TNFSF14: variants seen among roughly 807,000 people sequenced by gnomAD.
TNFSF14 encodes the protein tumor necrosis factor ligand superfamily member 14.
In TNFSF14, 15 loss-of-function variants were observed where a neutral mutation model predicts 22.7. That is an observed-to-expected ratio of 0.66 (90% CI 0.44 to 1.02). The LOEUF is 1.02. Among genes scored for constraint, TNFSF14 ranks in the 50% least tolerant of loss-of-function variants. TNFSF14 has a pLI of 0.00. For synonymous variants in TNFSF14, 133 were observed against 139.6 expected (o/e 0.95, Z 0.33); for missense variants, 287 against 326.2 (o/e 0.88, Z 0.93).
At chr19:6,665,544 G>T (rs1418238644) in intron 3 of TNFSF14, among the ~76,000 whole-genome samples, 194 bp from the exon 4 acceptor site, 1 of 152,088 alleles carries the variant, frequency 6.6e-6, no homozygotes, top group East Asian at 1.9e-4. Context: ...GAGTAGCTGG[G>T]ACTACAGGTG....
rs61596158 is a variant in TNFSF14, at chr19:6,668,576, G to A, written c.220-1127C>T. Among the ~76,000 whole-genome samples, 28 of 152,182 alleles carry A rather than the reference G, an allele frequency of 1.8e-4. No homozygotes were observed. In the East Asian group the frequency reaches 4.4e-3, roughly 24 times the overall value. On this transcript the variant is annotated intron_variant, in intron 1 of 3. Transcript: ENST00000675206. ...CACAAATTAGCCAGGCACGGTGGCG[G>A]ATGCCTGTGATCCCAGCTACTGCTC...
At position 6,669,735 on chromosome 19, in the gene TNFSF14, C is replaced by T. The variant is rs560940353; in HGVS notation, c.219+116G>A. 4.5e-4 allele frequency: 646 copies of T among 1,433,670 alleles called. 3 individuals carry two copies. In the African/African-American group the frequency reaches 8.6e-3, roughly 19 times the overall value. 88.8% of individuals were successfully genotyped at this position (1,433,670 alleles called of 1,614,324 possible). A position where few individuals can be genotyped will look rare whatever the true frequency, so the allele number is the denominator to read the frequency against. Reference sequence around the variant, plus strand: ...CAGCTGCTCTCAGCCTGTGCCCTGTCCTACACACACACACACACACACACA... The same window carrying T: ...CAGCTGCTCTCAGCCTGTGCCCTGTTCTACACACACACACACACACACACA... On this transcript the variant is annotated intron_variant, in intron 1 of 3. Coordinates refer to ENST00000675206, the MANE Select transcript of TNFSF14 (RefSeq NM_001376887.1).
intron 2 of TNFSF14, 51 bp from the exon 3 acceptor site, chr19:6,667,205 C>A: frequency 6.6e-7 from 1 of 1,512,544 alleles, no homozygotes; most frequent in Non-Finnish European, 8.8e-7. Context: ...AGGTAAAAAG[C>A]CAGCCTCCTA....
rs373524805 is a variant in TNFSF14 at position 6,665,142 on chromosome 19, G to A, written c.507C>T (p.Arg169=). Residue 169 remains arginine, a synonymous_variant, in exon 4 of 4, where the codon CGC becomes CGT. Transcript: ENST00000675206. ...ASTITHGLYK[R]TPRYPEELEL... ...CCAGCTCCTCGGGGTAGCGGGGTGT[G>A]CGCTTGTAGAGGCCGTGGGTGATGG... 2 of 1,614,026 alleles carry A rather than the reference G, an allele frequency of 1.2e-6. No homozygotes were observed. Among genetic ancestry groups the A allele is most frequent in the Non-Finnish European group, 1.7e-6 (2 of 1,179,948 alleles).
rs963602919 is a variant in TNFSF14, at chr19:6,663,930, G to A, written c.*996C>T. On this transcript the variant is annotated 3_prime_UTR_variant, in exon 4 of 4. Coordinates refer to ENST00000675206, the MANE Select transcript of TNFSF14 (RefSeq NM_001376887.1). ...GTGGTGTCCTATTAGGGATGTCTATGCTTGGCAGTGATGAAATCAGCCATG... is the reference window on the plus strand; with the variant it reads ...GTGGTGTCCTATTAGGGATGTCTATACTTGGCAGTGATGAAATCAGCCATG... 6.6e-6 allele frequency: 1 copy of A among 152,226 alleles called. No homozygotes were observed. The highest frequency in any genetic ancestry group is 6.5e-5 in the Admixed American group (1 of 15,282). 9.4% of individuals were successfully genotyped at this position (152,226 alleles called of 1,614,324 possible). A position where few individuals can be genotyped will look rare whatever the true frequency, so the allele number is the denominator to read the frequency against.
At chr19:6,665,625 T>C (rs1395522477) in intron 3 of TNFSF14, among the ~76,000 whole-genome samples, 3 of 151,960 alleles carry the variant, frequency 2.0e-5, no homozygotes, top group Non-Finnish European at 4.4e-5. Context: ...CTGAGGCTGG[T>C]CTTGAACTCC....
At chr19:6,669,808 C>T in intron 1 of TNFSF14, 43 bp downstream of exon 1, 1 of 1,599,632 alleles carries the variant, frequency 6.3e-7, no homozygotes, top group African/African-American at 1.3e-5. Flanking sequence ...ACAGGGGAGC[C>T]CCCCTCACCT....
rs1287133671 is a variant in TNFSF14 at position 6,661,742 on chromosome 19, G to GC, written c.*3183dup. On this transcript the variant is annotated 3_prime_UTR_variant, in exon 4 of 4. Transcript: ENST00000675206. ...TATCACATTGGAATTACAGGCATGAGCCACTGCACCCAGCCGACATCACCA... is the reference window on the plus strand; with the variant it reads ...TATCACATTGGAATTACAGGCATGAGCCCACTGCACCCAGCCGACATCACCA... 43 of 152,182 alleles carry GC rather than the reference G, an allele frequency of 2.8e-4. No individual in the cohort carries two copies. Among genetic ancestry groups the GC allele is most frequent in the African/African-American group, 1.0e-3 (42 of 41,420 alleles). The allele number at this position is 152,182 out of a possible 1,614,324, so 9.4% of individuals were successfully genotyped here. A position where few individuals can be genotyped will look rare whatever the true frequency, so the allele number is the denominator to read the frequency against.
intron 1 of TNFSF14, among the ~76,000 whole-genome samples, chr19:6,669,330 A>T (rs1161811464): frequency 2.0e-5 from 3 of 152,058 alleles, no homozygotes; most frequent in Non-Finnish European, 4.4e-5. Flanking sequence ...CTAAAAATAC[A>T]AAATTGGCCA....
chr19:6,666,463 G>A (rs780158347), intron 3 of TNFSF14, among the ~76,000 whole-genome samples: 17 of 151,152 alleles, frequency 1.1e-4, no homozygotes, highest in Non-Finnish European at 2.2e-4. Flanking sequence ...GCGGCACCTC[G>A]TACTCGCTGT....
intron 1 of TNFSF14, among the ~76,000 whole-genome samples, chr19:6,668,901 A>G (rs546876915): frequency 6.6e-5 from 10 of 152,340 alleles, no homozygotes; most frequent in Non-Finnish European, 1.2e-4. Flanking sequence ...CCCAGAGACA[A>G]AGACAGACAA....
At chr19:6,666,151 G>C (rs1474691696) in intron 3 of TNFSF14, among the ~76,000 whole-genome samples, 4 of 152,050 alleles carry the variant, frequency 2.6e-5, no homozygotes, top group African/African-American at 9.7e-5. Context: ...CCAGCACTTT[G>C]GGAGGCTGAG....
In TNFSF14 at chr19:6,669,838, CG is replaced by C; in HGVS notation, c.219+12del. On this transcript the variant is annotated intron_variant, in intron 1 of 3. Coordinates refer to ENST00000675206, the MANE Select transcript of TNFSF14 (RefSeq NM_001376887.1). ...TCACCTCCACCTGCTCTCAGCCCCC[CG>C]GTCCCACTCACAGGCAGGCGGGTGA... is the stretch of plus-strand genomic sequence containing the variant. 6.2e-7 allele frequency: 1 copy of C among 1,610,184 alleles called. No individual in the cohort carries two copies. The highest frequency in any genetic ancestry group is 8.5e-7 in the Non-Finnish European group (1 of 1,179,794).
chr19:6,669,686 G>A (rs189347051), intron 1 of TNFSF14, among the ~76,000 whole-genome samples, 165 bp downstream of exon 1: 1 of 151,674 alleles, frequency 6.6e-6, no homozygotes, highest in Admixed American at 6.6e-5. Flanking sequence ...CTTGCCCAAG[G>A]CTGGGAGCAG....
rs755776228 is a variant in TNFSF14 at position 6,665,143 on chromosome 19, C to A, written c.506G>T (p.Arg169Leu). ...ASTITHGLYK[R>L]TPRYPEELEL... ...CAGCTCCTCGGGGTAGCGGGGTGTG[C>A]GCTTGTAGAGGCCGTGGGTGATGGT... The change falls in exon 4 of 4, where the codon CGC (arginine) becomes CTC (leucine). Residue 169 changes from arginine to leucine, a missense_variant. Arg to Leu is a moderately radical substitution (Grantham distance 102, BLOSUM62 -2). Transcript: ENST00000675206. 3.1e-6 allele frequency: 5 copies of A among 1,613,860 alleles called. No homozygotes were observed. The highest frequency in any genetic ancestry group is 1.3e-5 in the African/African-American group (1 of 74,930).
intron 2 of TNFSF14, 78 bp from the exon 3 acceptor site, chr19:6,667,232 A>G: frequency 6.8e-7 from 1 of 1,463,958 alleles, no homozygotes; most frequent in Non-Finnish European, 9.1e-7. Context: ...CACCGTGTAC[A>G]CCTCCTGGAA....
At position 6,669,909 on chromosome 19, in the gene TNFSF14, T is replaced by C; in HGVS notation, c.161A>G (p.Gln54Arg). ...LLLMGAGLAV[Q>R]GWFLLQLHWR... is the part of the protein sequence containing the mutation. ...GTGCAGCTGCAGGAGGAACCAGCCT[T>C]GGACGGCCAGCCCGGCCCCCATCAG... The change falls in exon 1 of 4, where the codon CAA (glutamine) becomes CGA (arginine). Residue 54 changes from glutamine (Q) to arginine (R), a missense_variant. Coordinates refer to ENST00000675206, the MANE Select transcript of TNFSF14 (RefSeq NM_001376887.1). The C allele has an allele frequency of 6.2e-7, 1 of 1,613,762 alleles. No homozygotes were observed.
chr19:6,661,818 C>T lies in TNFSF14; in HGVS notation c.*3108G>A, dbSNP rs928907986. On this transcript the variant is annotated 3_prime_UTR_variant, in exon 4 of 4. Coordinates refer to ENST00000675206, the MANE Select transcript of TNFSF14 (RefSeq NM_001376887.1). ...CTACTAACCAGCAATCATTTTCCTCCACCTATTCAACACAGAAGTACCTAA... is the reference window on the plus strand; with the variant it reads ...CTACTAACCAGCAATCATTTTCCTCTACCTATTCAACACAGAAGTACCTAA... 1.3e-5 allele frequency: 2 copies of T among 152,208 alleles called. No individual in the cohort carries two copies. Among genetic ancestry groups the T allele is most frequent in the East Asian group, 3.8e-4 (2 of 5,198 alleles). 9.4% of individuals were successfully genotyped at this position (152,208 alleles called of 1,614,324 possible).
At position 6,664,580 on chromosome 19, in the gene TNFSF14, C is replaced by G. The variant is rs1917346421; in HGVS notation, c.*346G>C. On this transcript the variant is annotated 3_prime_UTR_variant, in exon 4 of 4. Coordinates refer to ENST00000675206, the MANE Select transcript of TNFSF14 (RefSeq NM_001376887.1). The surrounding 1 kb of genome is among the most constrained non-coding windows in gnomAD (Gnocchi z 4.7). ...TTGAGGCACAGTCTCACTGCGTTTC[C>G]CAGGTTGGAGTGCAGTGGTGTGATC... 1 of 180,884 alleles carries G rather than the reference C, an allele frequency of 5.5e-6. No individual in the cohort carries two copies. The highest frequency in any genetic ancestry group is 1.4e-4 in the East Asian group (1 of 6,902). The allele number at this position is 180,884 out of a possible 1,614,324, so 11.2% of individuals were successfully genotyped here. A position where few individuals can be genotyped will look rare whatever the true frequency, so the allele number is the denominator to read the frequency against.
Sources: gnomAD v4.1 joint callset for allele counts (sites outside exome capture counted in the v4.1 genomes callset) on GRCh38, gnomAD v4.1.1 for gene constraint, Gnocchi (gnomAD v3.1) non-coding constraint, MANE v1.5 for transcripts, NCBI Gene and HGNC (gene_info 2026-07-23, HGNC 2026-07-21) for gene names.